The following PDE4D variants were observed in gnomAD, a reference collection of about 807,000 sequenced individuals.
The protein encoded by PDE4D is 3',5'-cyclic-AMP phosphodiesterase 4D.
Under a neutral mutation model 87.4 loss-of-function variants are expected in PDE4D, and 24 were observed. The ratio of observed to expected loss-of-function variants is 0.27; its 90% CI spans 0.20 to 0.39. The LOEUF (loss-of-function observed/expected upper bound fraction) is 0.39, where lower values mean the gene tolerates loss of function less well. PDE4D is among the 10% of genes least tolerant of loss of function. The pLI, the probability that PDE4D is intolerant of heterozygous loss-of-function variation, is 1.00. For missense variants in PDE4D, 714 were observed against 1,041.0 expected (o/e 0.69, Z 4.32); for synonymous variants, 384 against 383.2 (o/e 1.00, Z -0.02).
At chr5:60,430,546 T>G (rs1362945160) in intron 1 of PDE4D, among the ~76,000 whole-genome samples, 11 of 116,530 alleles carry the variant, frequency 9.4e-5, no homozygotes, top group Non-Finnish European at 1.0e-4. Flanking sequence ...TTTTTTTTTG[T>G]TTGTTTTTTT....
chr5:59,408,998 A>G (rs1390711751), intron 1 of PDE4D, among the ~76,000 whole-genome samples: 1 of 152,112 alleles, frequency 6.6e-6, no homozygotes, highest in Non-Finnish European at 1.5e-5. Flanking sequence ...AAATACAAAA[A>G]TTAGCTGGGC....
At chr5:60,329,311 T>C (rs553505417) in intron 1 of PDE4D, among the ~76,000 whole-genome samples, 2 of 152,290 alleles carry the variant, frequency 1.3e-5, no homozygotes, top group Non-Finnish European at 2.9e-5. Context: ...CTGATGGTTT[T>C]ACAAAGGGCA....
chr5:60,020,971 G>C (rs1766007448), intron 2 of PDE4D, among the ~76,000 whole-genome samples: 1 of 152,136 alleles, frequency 6.6e-6, no homozygotes, highest in African/African-American at 2.4e-5. Context: ...CCTCCAATCA[G>C]TAAAGTCTGA....
chr5:59,444,828 A>G (rs1269183822), intron 1 of PDE4D, among the ~76,000 whole-genome samples: 1 of 152,102 alleles, frequency 6.6e-6, no homozygotes, highest in Non-Finnish European at 1.5e-5. Context: ...ACAAACAAAC[A>G]AACAAAAATA....
At chr5:59,090,578 T>G (rs929499290) in intron 5 of PDE4D, among the ~76,000 whole-genome samples, 1 of 152,098 alleles carries the variant, frequency 6.6e-6, no homozygotes, top group African/African-American at 2.4e-5. Context: ...TCATCATCTC[T>G]TTTATACATG....
At chr5:60,236,575 C>A (rs751086327) in intron 1 of PDE4D, among the ~76,000 whole-genome samples, 28 of 152,034 alleles carry the variant, frequency 1.8e-4, no homozygotes, top group Middle Eastern at 3.4e-3. Context: ...GTTATTCTGG[C>A]ATGGCAAAGG....
chr5:59,376,311 A>AAACTGAT (rs1784725987), intron 1 of PDE4D, among the ~76,000 whole-genome samples: 1 of 152,202 alleles, frequency 6.6e-6, no homozygotes, highest in South Asian at 2.1e-4. Context: ...AAAGCTTCTT[A>AAACTGAT]AACTGATAAA....
intron 3 of PDE4D, among the ~76,000 whole-genome samples, chr5:59,915,110 G>A (rs1207397947): frequency 6.6e-6 from 1 of 152,030 alleles, no homozygotes; most frequent in African/African-American, 2.4e-5. Context: ...AAAACATAGT[G>A]TACTTGTGTT....
Position 60,065,044 on chromosome 5 carries a change from C to G in PDE4D, c.43-76327G>C, listed in dbSNP as rs140735964. ...AAAGAAATACAATAGTGAATAATTC[C>G]TAACAAACCTTCAATACACACATTG... is the stretch of plus-strand genomic sequence containing the variant. On this transcript the variant is annotated intron_variant, in intron 2 of 16. Coordinates refer to the PDE4D transcript ENST00000502484. Among the ~76,000 whole-genome samples the G allele has an allele frequency of 2.6e-3, 403 of 152,242 alleles. 2 individuals are homozygous for G. Among genetic ancestry groups the G allele is most frequent in the African/African-American group, 9.3e-3 (388 of 41,566 alleles).
chr5:59,723,995 A>G (rs1364439139), intron 1 of PDE4D, among the ~76,000 whole-genome samples: 2 of 152,094 alleles, frequency 1.3e-5, no homozygotes, highest in Non-Finnish European at 2.9e-5. Context: ...ATGAGCTTAA[A>G]AAGAAGCTGA....
At chr5:60,127,830 C>T (rs1347259705) in intron 2 of PDE4D, 1 of 441,274 alleles carries the variant, frequency 2.3e-6, no homozygotes, top group Admixed American at 4.0e-5. Flanking sequence ...ATTGGCGAGT[C>T]CTTAGTATAT....
intron 3 of PDE4D, chr5:59,988,421 A>G: frequency 9.5e-7 from 1 of 1,054,068 alleles, no homozygotes. Context: ...ACAAAAACTC[A>G]AAAGACCACA....
intron 1 of PDE4D, among the ~76,000 whole-genome samples, chr5:59,783,438 A>T (rs1764820103): frequency 6.6e-6 from 1 of 152,344 alleles, no homozygotes; most frequent in Non-Finnish European, 1.5e-5. Context: ...TTGAATAAAA[A>T]ATGAGCATCT....
At chr5:59,437,431 A>C (rs1392759928) in intron 1 of PDE4D, among the ~76,000 whole-genome samples, 2 of 152,202 alleles carry the variant, frequency 1.3e-5, no homozygotes, top group African/African-American at 4.8e-5. Flanking sequence ...GAACCAGTGG[A>C]AAGAATTAAA....
intron 3 of PDE4D, among the ~76,000 whole-genome samples, chr5:59,938,014 T>C (rs1756788187): frequency 6.6e-6 from 1 of 152,204 alleles, no homozygotes; most frequent in Non-Finnish European, 1.5e-5. Context: ...CCAATCTAAT[T>C]TCCTCCCAAA....
Position 58,973,197 on chromosome 5 carries a change from C to CTGTT in PDE4D, c.*1463_*1466dup, listed in dbSNP as rs1406511511. ...ATATTCTTAAAAACTGCCTAGTTGG[C>CTGTT]TGTTTAACTTTTCTCTGTAAACCAA... On this transcript the variant is annotated 3_prime_UTR_variant, in exon 15 of 15. Transcript: ENST00000340635. 1.3e-5 allele frequency: 2 copies of CTGTT among 151,054 alleles called. No homozygotes were observed. The highest frequency in any genetic ancestry group is 3.9e-4 in the East Asian group (2 of 5,178). 9.4% of individuals were successfully genotyped at this position (151,054 alleles called of 1,614,324 possible).
chr5:59,864,624 ATAGTTAGGG>A (rs1185804119), intron 1 of PDE4D, among the ~76,000 whole-genome samples: 1 of 152,192 alleles, frequency 6.6e-6, no homozygotes, highest in African/African-American at 2.4e-5. Flanking sequence ...GTGCCTATGA[ATAGTTAGGG>A]AAGATTGCCC....
At chr5:59,820,075 A>C (rs1276288937) in intron 1 of PDE4D, among the ~76,000 whole-genome samples, 1 of 152,218 alleles carries the variant, frequency 6.6e-6, no homozygotes, top group Non-Finnish European at 1.5e-5. Flanking sequence ...CAATATTTGC[A>C]TCCCACAGGG....
chr5:60,164,552 C>T (rs909246937), intron 2 of PDE4D, among the ~76,000 whole-genome samples: 1 of 152,010 alleles, frequency 6.6e-6, no homozygotes, highest in Non-Finnish European at 1.5e-5. Context: ...AAAATATATG[C>T]GGCTGAATAT....
Sources: allele counts gnomAD v4.1 joint callset (sites outside exome capture counted in the v4.1 genomes callset), GRCh38; gene constraint gnomAD v4.1.1; transcripts MANE v1.5; gene names NCBI Gene and HGNC (gene_info 2026-07-23, HGNC 2026-07-21).